The following AMPD3 variants were observed in gnomAD, a reference collection of about 807,000 sequenced individuals.
AMPD3 encodes the protein AMP deaminase 3.
In AMPD3, 57 loss-of-function variants were observed where a neutral mutation model predicts 82.3. The observed-to-expected ratio is 0.69, with a 90% CI of 0.56 to 0.86. AMPD3 has a LOEUF of 0.86. Ranked by LOEUF, AMPD3 falls within the 40% of genes least tolerant of loss-of-function variation. The probability of loss-of-function intolerance (pLI) is 0.00; values close to 1 mark genes in which losing one functional copy is unlikely to be tolerated. For missense variants in AMPD3, 870 were observed against 1,003.8 expected (o/e 0.87, Z 1.80); for synonymous variants, 381 against 394.7 (o/e 0.97, Z 0.41).
chr11:10,481,893 G>A (rs79076848), intron 3 of AMPD3, 170 bp from the exon 4 acceptor site: 78,071 of 770,542 alleles, frequency 0.1, 5,177 homozygotes, highest in African/African-American at 0.27. Context: ...GTTTGTACAA[G>A]TAGTTTAGGT....
At chr11:10,482,510 A>AT (rs1176155423) in intron 4 of AMPD3, among the ~76,000 whole-genome samples, 6 of 147,286 alleles carry the variant, frequency 4.1e-5, no homozygotes, top group African/African-American at 7.4e-5. Flanking sequence ...TCATGTGGGA[A>AT]TTTTTTTTTT....
Position 10,478,509 on chromosome 11 carries a change from T to C in AMPD3, c.222-17T>C, listed in dbSNP as rs73409951. 0.095 allele frequency: 153,586 copies of C among 1,613,940 alleles called. 8,549 individuals are homozygous for C. The highest frequency in any genetic ancestry group is 0.25 in the African/African-American group (18,609 of 74,990). On this transcript the variant is annotated splice_polypyrimidine_tract_variant and intron_variant, in intron 2 of 14. Coordinates refer to ENST00000396553, the MANE Select transcript of AMPD3 (RefSeq NM_001025389.2). ...AGCTTCTGATGTCTCCCACTTTTCC[T>C]TGTCCTTGGCTCTTAGAAAGAAAAG...
At chr11:10,450,853 G>A, upstream of AMPD3, 1 of 1,203,206 alleles carries the variant, frequency 8.3e-7, no homozygotes, top group African/African-American at 1.6e-5. Flanking sequence ...CTCCTGGCCG[G>A]GGATCCGCAG....
At chr11:10,464,620 A>C (rs1461307918) in intron 2 of AMPD3, among the ~76,000 whole-genome samples, 4 of 152,180 alleles carry the variant, frequency 2.6e-5, no homozygotes, top group African/African-American at 9.7e-5. Flanking sequence ...TTTCCTGAAA[A>C]AAAGCTTGGT....
At position 10,484,185 on chromosome 11, in the gene AMPD3, G is replaced by A. The variant is rs372186099; in HGVS notation, c.590-635G>A. The A allele has an allele frequency of 1.6e-5, 15 of 947,908 alleles. No individual in the cohort carries two copies. In the African/African-American group the frequency reaches 2.7e-4, roughly 17 times the overall value. The allele number at this position is 947,908 out of a possible 1,614,324, so 58.7% of individuals were successfully genotyped here. ...GGAGTTTGCTGAAAGTCTCACAGCA[G>A]GGAAATTGCATAGAGGAGTTTTCTA... On this transcript the variant is annotated intron_variant, in intron 4 of 14. Transcript: ENST00000396553.
intron 1 of AMPD3, chr11:10,455,845 G>C: frequency 1.1e-6 from 1 of 944,156 alleles, no homozygotes; most frequent in Non-Finnish European, 1.3e-6. Context: ...TCTGAGAAGA[G>C]GCAGGTCGGG....
rs1436322391 is a variant in AMPD3, at chr11:10,496,831, A to G, written c.1450A>G (p.Lys484Glu). ...CCCCAGTGACATATTTAGGTCAAAG[A>G]AGCTGCTGCCAAACTTTGGGAAGAT... ...PRIYDIFRSK[K>E]LLPNFGKMLE... The change falls in exon 10 of 15, where the codon AAG (lysine) becomes GAG (glutamate). Residue 484 changes from lysine (K) to glutamate (E), a missense_variant. Lys to Glu is a moderately conservative substitution (Grantham distance 56). Transcript: ENST00000396553. 6.2e-7 allele frequency: 1 copy of G among 1,614,144 alleles called. No homozygotes were observed. The highest frequency in any genetic ancestry group is 1.1e-5 in the South Asian group (1 of 91,084).
upstream of AMPD3, among the ~76,000 whole-genome samples, chr11:10,451,374 AG>A (rs558173883): frequency 6.6e-6 from 1 of 152,232 alleles, no homozygotes; most frequent in Non-Finnish European, 1.5e-5. Context: ...TAGGTGCTTG[AG>A]GACTGGCTGG....
chr11:10,484,877 C>G lies in AMPD3; in HGVS notation c.647C>G (p.Pro216Arg), dbSNP rs771555030. ...CCCTACTGCCTGGATGATGCACCCC[C>G]CAACCTGGATTACTTGGTCCACATG... is the stretch of plus-strand genomic sequence containing the variant. ...EDPYCLDDAP[P>R]NLDYLVHMQG... The change falls in exon 5 of 15, where the codon CCC becomes CGC. Residue 216 changes from proline to arginine, a missense_variant. Pro to Arg is a moderately radical substitution (Grantham distance 103, BLOSUM62 -2). Coordinates refer to ENST00000396553, the MANE Select transcript of AMPD3 (RefSeq NM_001025389.2). 27 of 1,614,010 alleles carry G rather than the reference C, an allele frequency of 1.7e-5. No individual in the cohort carries two copies. The South Asian group carries it at 2.5e-4, about 15-fold the overall frequency.
rs1355036768 is a variant in AMPD3 at position 10,496,943 on chromosome 11, G to A, written c.1557+5G>A. On this transcript the variant is annotated splice_donor_5th_base_variant and intron_variant, in intron 10 of 14. Coordinates refer to ENST00000396553, the MANE Select transcript of AMPD3 (RefSeq NM_001025389.2). ...CTTCACCTCTTCCTTAAATATGTAA[G>A]TGTGGGTGGTGCCCTAGGCAGGGCT... 7 of 1,614,012 alleles carry A rather than the reference G, an allele frequency of 4.3e-6. No homozygotes were observed. The South Asian group carries it at 6.6e-5, about 15-fold the overall frequency.
In AMPD3 at chr11:10,456,334, C is replaced by T; in HGVS notation, c.-6+886C>T. ...TGACTCAGCTGAGCCTCCTGGGTGG[C>T]AGGCAGCACCTCACCCGGGTGCATC... On this transcript the variant is annotated intron_variant, in intron 1 of 14. Coordinates refer to ENST00000396553, the MANE Select transcript of AMPD3 (RefSeq NM_001025389.2). This position sits in a 1 kb window ranked among gnomAD's most constrained non-coding sequence, Gnocchi z 4.3. 1 of 1,612,400 alleles carries T rather than the reference C, an allele frequency of 6.2e-7. No individual in the cohort carries two copies. Among genetic ancestry groups the T allele is most frequent in the Non-Finnish European group, 8.5e-7 (1 of 1,178,832 alleles).
chr11:10,496,601 G>A, intron 9 of AMPD3: 1 of 969,108 alleles, frequency 1.0e-6, no homozygotes. Flanking sequence ...GATGGGCATG[G>A]GTAGGTGTGG....
chr11:10,465,269 A>G (rs1342034649), intron 2 of AMPD3, among the ~76,000 whole-genome samples: 1 of 152,242 alleles, frequency 6.6e-6, no homozygotes, highest in African/African-American at 2.4e-5. Context: ...CACACCTCTG[A>G]GATCATAACT....
chr11:10,454,612 C>A (rs567537352), upstream of AMPD3, among the ~76,000 whole-genome samples: 29 of 152,292 alleles, frequency 1.9e-4, no homozygotes, highest in African/African-American at 6.7e-4. Context: ...CTTTCATGTT[C>A]TGCAGACTGC....
In AMPD3 at chr11:10,500,377, T is replaced by C. The variant is rs977501411; in HGVS notation, c.1721+128T>C. On this transcript the variant is annotated intron_variant, in intron 11 of 14. Coordinates refer to ENST00000396553, the MANE Select transcript of AMPD3 (RefSeq NM_001025389.2). ...GCACCTGAACCAACATGCATGTCCA[T>C]GTGCCCACACACCTCAAAACACACA... is the stretch of plus-strand genomic sequence containing the variant. 16 of 1,301,978 alleles carry C rather than the reference T, an allele frequency of 1.2e-5. No individual in the cohort carries two copies. The African/African-American group carries it at 1.3e-4, about 11-fold the overall frequency. The allele number at this position is 1,301,978 out of a possible 1,614,324, so 80.7% of individuals were successfully genotyped here.
At chr11:10,490,577 A>G in intron 6 of AMPD3, 1 of 985,420 alleles carries the variant, frequency 1.0e-6, no homozygotes, top group Non-Finnish European at 1.2e-6. Context: ...CTGACCTCCA[A>G]TGACCTTCAA....
At chr11:10,465,274 A>G (rs1269799714) in intron 2 of AMPD3, among the ~76,000 whole-genome samples, 1 of 152,244 alleles carries the variant, frequency 6.6e-6, no homozygotes, top group Non-Finnish European at 1.5e-5. Context: ...CTCTGAGATC[A>G]TAACTGGATA....
intron 1 of AMPD3, among the ~76,000 whole-genome samples, chr11:10,458,191 C>G (rs1047890390): frequency 6.8e-6 from 1 of 147,516 alleles, no homozygotes; most frequent in South Asian, 2.1e-4. Context: ...AACTCTTAGC[C>G]TCAAGTGATC....
rs780348844 is a variant in AMPD3, at chr11:10,478,666, C to A, written c.362C>A (p.Thr121Lys). Residue 121 changes from threonine to lysine, a missense_variant, in exon 3 of 15, where the codon ACG (threonine) becomes AAG (lysine). Physicochemically the swap from Thr to Lys is moderately conservative, Grantham distance 78 (BLOSUM62 -1). Transcript: ENST00000396553. Reference sequence around the variant, plus strand: ...GTCACTGGAGCCACTTCCCTGCCCACGCCAGCACCCTATGCCATGCCTGAG... The same window carrying A: ...GTCACTGGAGCCACTTCCCTGCCCAAGCCAGCACCCTATGCCATGCCTGAG... ...PVVTGATSLP[T>K]PAPYAMPEFQ... The A allele has an allele frequency of 8.7e-6, 14 of 1,614,224 alleles. No individual in the cohort carries two copies. Among genetic ancestry groups the A allele is most frequent in the Non-Finnish European group, 1.2e-5 (14 of 1,180,040 alleles).
Sources: allele counts gnomAD v4.1 joint callset (sites outside exome capture counted in the v4.1 genomes callset), GRCh38; gene constraint gnomAD v4.1.1; non-coding constraint Gnocchi (gnomAD v3.1); transcripts MANE v1.5; gene names NCBI Gene and HGNC (gene_info 2026-07-23, HGNC 2026-07-21).